Variants in VPS4A observed in about 807,000 individuals in gnomAD.
The protein encoded by VPS4A is vacuolar protein sorting-associated protein 4A.
Under a neutral mutation model 52.3 loss-of-function variants are expected in VPS4A, and 20 were observed. The observed-to-expected ratio is 0.38, with a 90% CI of 0.27 to 0.56. VPS4A has a LOEUF of 0.56. Ranked by LOEUF, VPS4A falls within the 20% of genes least tolerant of loss-of-function variation. VPS4A has a pLI of 0.72. For missense variants in VPS4A, 419 were observed against 575.9 expected (o/e 0.73, Z 2.79); for synonymous variants, 293 against 227.7 (o/e 1.29, Z -2.58).
chr16:69,317,953 CAAAAAAAAA>C (rs35907075), intron 3 of VPS4A, among the ~76,000 whole-genome samples: 2 of 46,068 alleles, frequency 4.3e-5, no homozygotes, highest in South Asian at 8.1e-4. Context: ...GGCACCATCT[CAAAAAAAAA>C]AAAAAAAAAA....
In VPS4A at chr16:69,321,572, C is replaced by A; in HGVS notation, c.1071+302C>A. 2.4e-6 allele frequency: 1 copy of A among 411,490 alleles called. No individual in the cohort carries two copies. The highest frequency in any genetic ancestry group is 4.5e-6 in the Non-Finnish European group (1 of 222,578). 25.5% of individuals were successfully genotyped at this position (411,490 alleles called of 1,614,324 possible). ...CTCTTGTGCGGGGTGGACACCAAAT[C>A]AGTGTTTGGAAAGTGTTGGATATAA... On this transcript the variant is annotated intron_variant, in intron 9 of 10. Coordinates refer to ENST00000254950, the MANE Select transcript of VPS4A (RefSeq NM_013245.3). This position sits in a 1 kb window ranked among gnomAD's most constrained non-coding sequence, Gnocchi z 4.5.
At chr16:69,323,085 TTC>T (rs1965534632) in intron 10 of VPS4A, 1 of 164,368 alleles carries the variant, frequency 6.1e-6, no homozygotes, top group Admixed American at 6.0e-5. Context: ...AAAAATAGTC[TTC>T]TTCTATGTCC....
chr16:69,315,595 A>G (rs1039607279), intron 1 of VPS4A, among the ~76,000 whole-genome samples: 1 of 152,088 alleles, frequency 6.6e-6, no homozygotes, highest in Non-Finnish European at 1.5e-5. Context: ...GCCGGGTGCA[A>G]TTTCTGGTCT....
At chr16:69,319,358 G>A (rs1965481881) in intron 5 of VPS4A, 29 bp from the exon 6 acceptor site, 1 of 1,612,270 alleles carries the variant, frequency 6.2e-7, no homozygotes. Context: ...CCAGTCAGGA[G>A]GCCTAACTTC....
At chr16:69,317,808 C>T in intron 3 of VPS4A, among the ~76,000 whole-genome samples, 1 of 151,720 alleles carries the variant, frequency 6.6e-6, no homozygotes. Context: ...AAAAATTAGC[C>T]AGGCATTGTG....
At chr16:69,315,069 A>G (rs1965419632) in intron 1 of VPS4A, among the ~76,000 whole-genome samples, 1 of 152,104 alleles carries the variant, frequency 6.6e-6, no homozygotes, top group Non-Finnish European at 1.5e-5. Flanking sequence ...CTCTGTCTGC[A>G]CTAAAAATAC....
In VPS4A at chr16:69,322,550, T is replaced by C. The variant is rs754969709; in HGVS notation, c.1072-10T>C. ...GGGCAGCTGCCCCAGTCAGATCCATTTGGTTTCAGGTCTGTGGCCCCTCTC... is the reference window on the plus strand; with the variant it reads ...GGGCAGCTGCCCCAGTCAGATCCATCTGGTTTCAGGTCTGTGGCCCCTCTC... On this transcript the variant is annotated splice_polypyrimidine_tract_variant and intron_variant, in intron 9 of 10. Coordinates refer to ENST00000254950, the MANE Select transcript of VPS4A (RefSeq NM_013245.3). 1.4e-5 allele frequency: 22 copies of C among 1,609,430 alleles called. 1 individual carries two copies. In the South Asian group the frequency reaches 2.3e-4, roughly 17 times the overall value.
chr16:69,322,445 CTCAGAT>C, intron 9 of VPS4A, 109 bp from the exon 10 acceptor site: 1 of 1,224,362 alleles, frequency 8.2e-7, no homozygotes, highest in Admixed American at 2.9e-5. Flanking sequence ...GCCCGTCCTC[CTCAGAT>C]GCTAGGGACC....
At position 69,324,504 on chromosome 16, in the gene VPS4A, ACACAGTGGACACTGCTCTTCCTACTTCC is replaced by A. The variant is rs1965558718; in HGVS notation, c.*196_*223del. ...CAGAGACACTCCACTGCCCTGGGGC[ACACAGTGGACACTGCTCTTCCTACTTCC>A]TCCTCTCCTGGATGCTCATCAGCTC... On this transcript the variant is annotated 3_prime_UTR_variant, in exon 11 of 11. Transcript: ENST00000254950. 1 of 596,136 alleles carries A rather than the reference ACACAGTGGACACTGCTCTTCCTACTTCC, an allele frequency of 1.7e-6. No homozygotes were observed. The highest frequency in any genetic ancestry group is 3.0e-6 in the Non-Finnish European group (1 of 333,498). The allele number at this position is 596,136 out of a possible 1,614,324, so 36.9% of individuals were successfully genotyped here. A position where few individuals can be genotyped will look rare whatever the true frequency, so the allele number is the denominator to read the frequency against.
chr16:69,323,502 C>T (rs931266064), intron 10 of VPS4A: 7 of 368,710 alleles, frequency 1.9e-5, no homozygotes, highest in South Asian at 5.9e-5. Flanking sequence ...GATAATATGA[C>T]GTCAATCCAT....
In VPS4A at chr16:69,320,995, C is replaced by G; in HGVS notation, c.852-56C>G. The G allele has an allele frequency of 6.6e-7, 1 of 1,510,536 alleles. No homozygotes were observed. The highest frequency in any genetic ancestry group is 1.4e-5 in the African/African-American group (1 of 72,328). The allele number at this position is 1,510,536 out of a possible 1,614,324, so 93.6% of individuals were successfully genotyped here. A position where few individuals can be genotyped will look rare whatever the true frequency, so the allele number is the denominator to read the frequency against. ...ACTCAAATCTTCGTGCCTCCCCTTC[C>G]GTGAATACCATTCCATCATCCGCTG... On this transcript the variant is annotated intron_variant, in intron 8 of 10. Transcript: ENST00000254950. The surrounding 1 kb of genome is among the most constrained non-coding windows in gnomAD (Gnocchi z 4.2).
intron 1 of VPS4A, among the ~76,000 whole-genome samples, chr16:69,312,741 T>C (rs1424804470): frequency 6.6e-6 from 1 of 151,922 alleles, no homozygotes; most frequent in Non-Finnish European, 1.5e-5. Flanking sequence ...GCCTCCTGAG[T>C]AGCTGGGATT....
At chr16:69,312,426 G>A (rs565780340) in intron 1 of VPS4A, among the ~76,000 whole-genome samples, 1 of 152,130 alleles carries the variant, frequency 6.6e-6, no homozygotes, top group South Asian at 2.1e-4. Context: ...GGTGGAGGAG[G>A]GCAGAAGTAG....
chr16:69,325,825 G>A lies in VPS4A; in HGVS notation c.*1516G>A, dbSNP rs916484464. ...GGTAATGTTGGGCCTGCGTCCTCAT[G>A]GGGCAGCCTGTCAGCGGCCACTAAG... On this transcript the variant is annotated 3_prime_UTR_variant, in exon 11 of 11. Coordinates refer to ENST00000254950, the MANE Select transcript of VPS4A (RefSeq NM_013245.3). 3.9e-5 allele frequency: 6 copies of A among 152,040 alleles called. No individual in the cohort carries two copies. The highest frequency in any genetic ancestry group is 7.4e-5 in the Non-Finnish European group (5 of 68,024). The allele number at this position is 152,040 out of a possible 1,614,324, so 9.4% of individuals were successfully genotyped here.
chr16:69,319,061 C>T (rs774171306), intron 5 of VPS4A, 119 bp downstream of exon 5: 304 of 1,418,188 alleles, frequency 2.1e-4, no homozygotes, highest in Non-Finnish European at 2.8e-4. Flanking sequence ...GAGGGCCAGG[C>T]CTGGCTGCTC....
intron 10 of VPS4A, chr16:69,323,399 C>T (rs557983212): frequency 2.5e-5 from 7 of 279,914 alleles, no homozygotes; most frequent in South Asian, 1.9e-4. Flanking sequence ...ATCCTCTCAG[C>T]GTGGCCTCCC....
chr16:69,311,370 C>A lies in VPS4A; in HGVS notation c.-142C>A. 2.1e-6 allele frequency: 2 copies of A among 947,798 alleles called. No individual in the cohort carries two copies. The highest frequency in any genetic ancestry group is 2.7e-6 in the Non-Finnish European group (2 of 728,582). The allele number at this position is 947,798 out of a possible 1,614,324, so 58.7% of individuals were successfully genotyped here. On this transcript the variant is annotated 5_prime_UTR_variant, in exon 1 of 11. In the 5' UTR this introduces an upstream ATG that the reference lacks. Transcript: ENST00000254950. ...CGCTTGCCCTCGGACTCGGCTCCCG[C>A]TGCGAGCGGCCGCCCTGCCCGCGCA...
Position 69,324,355 on chromosome 16 carries a change from G to A in VPS4A, c.*46G>A, listed in dbSNP as rs764625263. 3 of 1,570,090 alleles carry A rather than the reference G, an allele frequency of 1.9e-6. No homozygotes were observed. Among genetic ancestry groups the A allele is most frequent in the African/African-American group, 1.3e-5 (1 of 74,202 alleles). ...TGGTGAAGGTGGGAGGTTGATTGGG[G>A]CAAATCCAGGCACTCCCCATGTCAA... On this transcript the variant is annotated 3_prime_UTR_variant, in exon 11 of 11. Coordinates refer to ENST00000254950, the MANE Select transcript of VPS4A (RefSeq NM_013245.3).
Position 69,320,606 on chromosome 16 carries a change from A to C in VPS4A, c.770-82A>C. The C allele has an allele frequency of 8.0e-7, 1 of 1,252,154 alleles. No homozygotes were observed. The highest frequency in any genetic ancestry group is 1.4e-5 in the South Asian group (1 of 71,446). 77.6% of individuals were successfully genotyped at this position (1,252,154 alleles called of 1,614,324 possible). ...GGATGGCTTCAATTGCTGACACACA[A>C]AGCCCCCGGGGTCTGTCCCCAGGTT... On this transcript the variant is annotated intron_variant, in intron 7 of 10. Transcript: ENST00000254950. The surrounding 1 kb of genome is among the most constrained non-coding windows in gnomAD (Gnocchi z 4.2).
Sources: gnomAD v4.1 joint callset for allele counts (sites outside exome capture counted in the v4.1 genomes callset) on GRCh38, gnomAD v4.1.1 for gene constraint, Gnocchi (gnomAD v3.1) non-coding constraint, MANE v1.5 for transcripts, NCBI Gene and HGNC (gene_info 2026-07-23, HGNC 2026-07-21) for gene names.